Variants in ADGRB1 observed in about 807,000 individuals in gnomAD.
ADGRB1 encodes the protein brain-specific angiogenesis inhibitor 1.
ADGRB1 carries 36 observed loss-of-function variants against 175.7 expected under a neutral mutation model. That is an observed-to-expected ratio of 0.20 (90% CI 0.16 to 0.27). The LOEUF (loss-of-function observed/expected upper bound fraction) is 0.27, where lower values mean the gene tolerates loss of function less well. Ranked by LOEUF, ADGRB1 falls within the 10% of genes least tolerant of loss-of-function variation. ADGRB1 has a pLI of 1.00. For synonymous variants in ADGRB1, 1,054 were observed against 979.4 expected, an observed-to-expected ratio of 1.08 and a Z score of -1.42; for missense variants, 1,731 against 2,255.3, an observed-to-expected ratio of 0.77 and a Z score of 4.71.
intron 23 of ADGRB1, among the ~76,000 whole-genome samples, chr8:142,524,647 G>A (rs1039564031): frequency 1.9e-4 from 29 of 152,320 alleles, no homozygotes; most frequent in African/African-American, 6.5e-4. Context: ...TGCGAGCAGC[G>A]GGGAGCTGCA....
rs1371210155 is a variant in ADGRB1 at position 142,500,214 on chromosome 8, T to C, written c.2675+9399T>C. On this transcript the variant is annotated intron_variant, in intron 17 of 30. Coordinates refer to ENST00000517894, the MANE Select transcript of ADGRB1 (RefSeq NM_001702.3). ...CCCCCGCCCCACACCGCTCCTCCAC[T>C]TCCCCCCGCGCCGCTCCTCCACCTC... is the stretch of plus-strand genomic sequence containing the variant. Among the ~76,000 whole-genome samples, 181 of 53,994 alleles carry C rather than the reference T, an allele frequency of 3.4e-3. 4 individuals carry two copies. The highest frequency in any genetic ancestry group is 0.012 in the African/African-American group (109 of 8,794). The allele number at this position is 53,994 out of a possible 152,430, so 35.4% of individuals were successfully genotyped here. A position where few individuals can be genotyped will look rare whatever the true frequency, so the allele number is the denominator to read the frequency against.
Position 142,536,973 on chromosome 8 carries a change from C to G in ADGRB1, c.3571-14C>G. On this transcript the variant is annotated splice_polypyrimidine_tract_variant and intron_variant, in intron 25 of 30. Coordinates refer to ENST00000517894, the MANE Select transcript of ADGRB1 (RefSeq NM_001702.3). Reference sequence around the variant, plus strand: ...GCGTGGCTGCCACTGAGGTGCTCGGCTCTCCCTCCCCAGGTCCAGGACGCT... The same window carrying G: ...GCGTGGCTGCCACTGAGGTGCTCGGGTCTCCCTCCCCAGGTCCAGGACGCT... 6.4e-7 allele frequency: 1 copy of G among 1,571,724 alleles called. No individual in the cohort carries two copies. The highest frequency in any genetic ancestry group is 1.2e-5 in the South Asian group (1 of 85,620).
chr8:142,476,318 G>A (rs752802096), intron 3 of ADGRB1, among the ~76,000 whole-genome samples: 11 of 152,202 alleles, frequency 7.2e-5, no homozygotes, highest in Non-Finnish European at 1.6e-4. Flanking sequence ...AGGCACGGGA[G>A]AGCAGCCGTC....
intron 17 of ADGRB1, among the ~76,000 whole-genome samples, chr8:142,497,463 C>T (rs1215361451): frequency 6.6e-6 from 1 of 151,648 alleles, no homozygotes; most frequent in East Asian, 1.9e-4. Flanking sequence ...TCTCCCACGC[C>T]GGCCGGTTCC....
chr8:142,537,126 G>A lies in ADGRB1; in HGVS notation c.3666+44G>A, dbSNP rs1844979181. The A allele has an allele frequency of 3.6e-6, 5 of 1,383,638 alleles. No homozygotes were observed. Among genetic ancestry groups the A allele is most frequent in the Non-Finnish European group, 4.7e-6 (5 of 1,056,448 alleles). 85.7% of individuals were successfully genotyped at this position (1,383,638 alleles called of 1,614,324 possible). On this transcript the variant is annotated intron_variant, in intron 26 of 30. Coordinates refer to ENST00000517894, the MANE Select transcript of ADGRB1 (RefSeq NM_001702.3). This position sits in a 1 kb window ranked among gnomAD's most constrained non-coding sequence, Gnocchi z 4.6. ...GGACTCAGGCTGCCCTACCTGCCTCGTACCCCCGCCAAGTGCCTCCAGGCC... is the reference window on the plus strand; with the variant it reads ...GGACTCAGGCTGCCCTACCTGCCTCATACCCCCGCCAAGTGCCTCCAGGCC...
intron 17 of ADGRB1, among the ~76,000 whole-genome samples, chr8:142,503,900 C>T (rs954649154): frequency 3.9e-5 from 6 of 152,118 alleles, no homozygotes; most frequent in Non-Finnish European, 5.9e-5. Flanking sequence ...CATCTTGCAT[C>T]GTGAGGAACA....
At chr8:142,530,427 G>A (rs971347743) in intron 24 of ADGRB1, among the ~76,000 whole-genome samples, 4 of 152,120 alleles carry the variant, frequency 2.6e-5, no homozygotes, top group South Asian at 2.1e-4. Flanking sequence ...CATTTCGTCC[G>A]TGCCCTGCCT....
At chr8:142,524,147 C>G in intron 22 of ADGRB1, 91 bp from the exon 23 acceptor site, 1 of 1,408,894 alleles carries the variant, frequency 7.1e-7, no homozygotes, top group Non-Finnish European at 9.7e-7. Flanking sequence ...TCTGCCACTT[C>G]CCAGCTCACC....
intron 2 of ADGRB1, among the ~76,000 whole-genome samples, chr8:142,466,178 G>C (rs146791005): frequency 3.9e-5 from 6 of 152,302 alleles, no homozygotes; most frequent in African/African-American, 1.4e-4. Flanking sequence ...TCGGGTGTTC[G>C]GGGGTGAGGC....
chr8:142,485,092 G>A (rs1213620050), intron 13 of ADGRB1, among the ~76,000 whole-genome samples: 3 of 152,198 alleles, frequency 2.0e-5, no homozygotes. Context: ...CAGGGGCTGT[G>A]CAAGCCACAC....
Position 142,464,405 on chromosome 8 carries a change from C to T in ADGRB1, c.207C>T (p.Ser69=). Reference sequence around the variant, plus strand: ...TCCCGGCCAACGCCTCGCGCTGCTCCTGGACGCTACGCAACCCGGACCCGC... The same window carrying T: ...TCCCGGCCAACGCCTCGCGCTGCTCTTGGACGCTACGCAACCCGGACCCGC... ...AVFPANASRC[S]WTLRNPDPRR... The change falls in exon 2 of 31, where the codon TCC becomes TCT. Residue 69 remains serine (S), a synonymous_variant. Coordinates refer to ENST00000517894, the MANE Select transcript of ADGRB1 (RefSeq NM_001702.3). The T allele has an allele frequency of 1.3e-6, 2 of 1,540,160 alleles. No individual in the cohort carries two copies. The highest frequency in any genetic ancestry group is 1.7e-6 in the Non-Finnish European group (2 of 1,146,526).
At chr8:142,481,405 C>G (rs951953752) in intron 10 of ADGRB1, 45 bp downstream of exon 10, 1 of 1,607,472 alleles carries the variant, frequency 6.2e-7, no homozygotes, top group Non-Finnish European at 8.5e-7. Flanking sequence ...CCCAATCACC[C>G]TGGCCACACA....
chr8:142,484,921 C>T (rs1252540119), intron 13 of ADGRB1, among the ~76,000 whole-genome samples, 157 bp downstream of exon 13: 2 of 152,238 alleles, frequency 1.3e-5, no homozygotes, highest in East Asian at 3.8e-4. Flanking sequence ...TGTTTTCAGT[C>T]TCCTGAGGGT....
intron 25 of ADGRB1, among the ~76,000 whole-genome samples, chr8:142,535,673 C>T (rs1297236624): frequency 6.6e-6 from 1 of 152,190 alleles, no homozygotes; most frequent in East Asian, 1.9e-4. Context: ...AGGCTGGGGC[C>T]TCCTGGGCTG....
Position 142,479,341 on chromosome 8 carries a change from C to T in ADGRB1, c.1580C>T (p.Ala527Val). ...CCCGCAGTGGATGGCAAGTGGCAGG[C>T]CTGGGCGTCATGGGGCAGTTGCAGC... Reference protein sequence around the residue: ...QQCPVDGKWQAWASWGSCSVT... With the variant: ...QQCPVDGKWQVWASWGSCSVT... Residue 527 changes from alanine to valine, a missense_variant, in exon 8 of 31, where the codon GCC (alanine) becomes GTC (valine). Around this residue, in one of 8 missense-constraint regions of ADGRB1, gnomAD observed 388 missense variants for 630.9 expected, o/e 0.61. Coordinates refer to ENST00000517894, the MANE Select transcript of ADGRB1 (RefSeq NM_001702.3). The T allele has an allele frequency of 6.6e-7, 1 of 1,522,776 alleles. No individual in the cohort carries two copies. The allele number at this position is 1,522,776 out of a possible 1,614,324, so 94.3% of individuals were successfully genotyped here.
intron 24 of ADGRB1, among the ~76,000 whole-genome samples, chr8:142,527,124 G>A (rs945875709): frequency 7.9e-5 from 12 of 152,220 alleles, no homozygotes; most frequent in African/African-American, 2.9e-4. Context: ...CCAAGCCCAG[G>A]GAGTGCTCTC....
chr8:142,518,339 C>T, intron 19 of ADGRB1, 98 bp downstream of exon 19: 1 of 1,285,506 alleles, frequency 7.8e-7, no homozygotes, highest in Admixed American at 1.8e-5. Flanking sequence ...GTGCCCCTCC[C>T]TCCATTTGTC....
intron 20 of ADGRB1, among the ~76,000 whole-genome samples, chr8:142,521,607 G>C (rs907938200): frequency 2.0e-5 from 3 of 152,262 alleles, no homozygotes; most frequent in Admixed American, 2.0e-4. Flanking sequence ...GCGACTTGCT[G>C]TGTGTCCTTG....
At chr8:142,494,677 C>T (rs916046911) in intron 17 of ADGRB1, among the ~76,000 whole-genome samples, 1 of 151,576 alleles carries the variant, frequency 6.6e-6, no homozygotes, top group Non-Finnish European at 1.5e-5. Context: ...CTAAGAGCAC[C>T]TGGTGTCCCT....
Sources: allele counts gnomAD v4.1 joint callset (sites outside exome capture counted in the v4.1 genomes callset), GRCh38; gene constraint gnomAD v4.1.1; regional missense constraint gnomAD v4.1.1; non-coding constraint Gnocchi (gnomAD v3.1); transcripts MANE v1.5; gene names NCBI Gene and HGNC (gene_info 2026-07-23, HGNC 2026-07-21).